The following MACROD2 variants were observed in gnomAD, a reference collection of about 807,000 sequenced individuals.
The protein encoded by MACROD2 is mono-ADP ribosylhydrolase 2, also known as ADP-ribose glycohydrolase MACROD2.
A neutral mutation model predicts 70.4 loss-of-function variants in MACROD2; 36 were observed. The observed-to-expected ratio is 0.51, with a 90% CI of 0.39 to 0.68. The LOEUF (loss-of-function observed/expected upper bound fraction) is 0.68, where lower values mean the gene tolerates loss of function less well. MACROD2 is among the 30% of genes least tolerant of loss of function. MACROD2 has a pLI of 0.00. For synonymous variants in MACROD2, 172 were observed against 178.8 expected, an observed-to-expected ratio of 0.96 and a Z score of 0.30; for missense variants, 496 against 538.4, an observed-to-expected ratio of 0.92 and a Z score of 0.78.
At chr20:14,168,518 A>G (rs1601304738) in intron 3 of MACROD2, among the ~76,000 whole-genome samples, 1 of 152,186 alleles carries the variant, frequency 6.6e-6, no homozygotes, top group African/African-American at 2.4e-5. Context: ...AGCACCTTGC[A>G]TTATTGTAGT....
At chr20:15,494,209 C>A (rs1008327194) in intron 7 of MACROD2, among the ~76,000 whole-genome samples, 1 of 152,160 alleles carries the variant, frequency 6.6e-6, no homozygotes, top group Non-Finnish European at 1.5e-5. Context: ...TAAAACACAT[C>A]ATTTTACACT....
intron 2 of MACROD2, among the ~76,000 whole-genome samples, chr20:14,074,231 T>C (rs1327042912): frequency 6.6e-6 from 1 of 152,202 alleles, no homozygotes; most frequent in Non-Finnish European, 1.5e-5. Context: ...TACTGACGTC[T>C]CTTTTCCTCT....
chr20:16,048,095 G>A (rs1410119793), intron 17 of MACROD2, among the ~76,000 whole-genome samples: 3 of 152,210 alleles, frequency 2.0e-5, no homozygotes, highest in Admixed American at 2.0e-4. Flanking sequence ...AGACCAGTGT[G>A]ATTCCTGGTG....
intron 6 of MACROD2, among the ~76,000 whole-genome samples, chr20:15,281,101 AACTC>A (rs1306080173): frequency 2.0e-5 from 3 of 152,328 alleles, no homozygotes; most frequent in Admixed American, 6.5e-5. Flanking sequence ...ATCTTGTGAG[AACTC>A]ACTCACTATC....
At chr20:16,037,683 A>G (rs1190541042) in intron 15 of MACROD2, among the ~76,000 whole-genome samples, 5 of 151,894 alleles carry the variant, frequency 3.3e-5, no homozygotes, top group Non-Finnish European at 1.5e-5. Flanking sequence ...AAAAAATTAA[A>G]TGACCAGCCA....
chr20:15,078,135 A>G (rs557125478), intron 5 of MACROD2, among the ~76,000 whole-genome samples: 1 of 152,308 alleles, frequency 6.6e-6, no homozygotes, highest in Non-Finnish European at 1.5e-5. Context: ...CTGGGGAGTC[A>G]TAAGAAAAGG....
At chr20:15,152,492 G>T (rs533686065) in intron 5 of MACROD2, among the ~76,000 whole-genome samples, 102 of 151,510 alleles carry the variant, frequency 6.7e-4, no homozygotes, top group African/African-American at 1.9e-3. Context: ...GAGATAAGAG[G>T]TTAGGGCATG....
At position 14,918,618 on chromosome 20, in the gene MACROD2, T is replaced by G. The variant is rs972414334; in HGVS notation, c.418+233659T>G. Among the ~76,000 whole-genome samples the G allele has an allele frequency of 1.1e-3, 122 of 114,266 alleles. 1 individual carries two copies. In the South Asian group the frequency reaches 0.011, roughly 10 times the overall value. The allele number at this position is 114,266 out of a possible 152,430, so 75.0% of individuals were successfully genotyped here. A position where few individuals can be genotyped will look rare whatever the true frequency, so the allele number is the denominator to read the frequency against. ...TTTTTGTGACACTGTGTTTTTTTTG[T>G]TTTTTTTTTTTTTTCTGGAGTTTAT... On this transcript the variant is annotated intron_variant, in intron 5 of 17. Coordinates refer to ENST00000684519, the MANE Select transcript of MACROD2 (RefSeq NM_001351661.2).
chr20:15,112,433 T>C (rs912671439), intron 5 of MACROD2, among the ~76,000 whole-genome samples: 1 of 152,138 alleles, frequency 6.6e-6, no homozygotes, highest in Non-Finnish European at 1.5e-5. Flanking sequence ...GAATTCTTAT[T>C]TGATTGCCTT....
chr20:14,493,712 C>T, intron 4 of MACROD2: 1 of 322,854 alleles, frequency 3.1e-6, no homozygotes, highest in Admixed American at 7.4e-5. Context: ...GAGATATATA[C>T]AGTACTCTTG....
At position 15,065,395 on chromosome 20, in the gene MACROD2, C is replaced by G. The variant is rs192926612; in HGVS notation, c.419-164545C>G. On this transcript the variant is annotated intron_variant, in intron 5 of 17. Transcript: ENST00000684519. ...AGTAGGCAGGGCGCGGTGGCTCACGCCTGTAATCCCAGCACTTTGGGAGGC... is the reference window on the plus strand; with the variant it reads ...AGTAGGCAGGGCGCGGTGGCTCACGGCTGTAATCCCAGCACTTTGGGAGGC... Among the ~76,000 whole-genome samples, 1,363 of 152,268 alleles carry G rather than the reference C, an allele frequency of 9.0e-3. 10 individuals carry two copies. The highest frequency in any genetic ancestry group is 0.013 in the Non-Finnish European group (865 of 68,010).
intron 3 of MACROD2, among the ~76,000 whole-genome samples, chr20:14,393,359 C>T (rs1038456596): frequency 2.6e-5 from 4 of 152,122 alleles, no homozygotes; most frequent in African/African-American, 7.2e-5. Flanking sequence ...TATGATCTAA[C>T]TCCATTTCAT....
intron 17 of MACROD2, among the ~76,000 whole-genome samples, chr20:16,046,836 A>T (rs984278494): frequency 6.6e-6 from 1 of 151,804 alleles, no homozygotes; most frequent in Admixed American, 6.6e-5. Flanking sequence ...GCGTACCACC[A>T]CAACTGGCTA....
At chr20:15,103,811 A>G (rs879637094) in intron 5 of MACROD2, among the ~76,000 whole-genome samples, 4 of 151,904 alleles carry the variant, frequency 2.6e-5, no homozygotes, top group Admixed American at 2.0e-4. Flanking sequence ...CCAGAATTGC[A>G]TGAAGAAAGC....
At chr20:14,399,206 A>G (rs1229152925) in intron 3 of MACROD2, among the ~76,000 whole-genome samples, 15 of 152,076 alleles carry the variant, frequency 9.9e-5, no homozygotes, top group Non-Finnish European at 1.5e-5. Context: ...TGTATGATAG[A>G]GACAGGGTTT....
Position 14,979,062 on chromosome 20 carries a change from C to T in MACROD2, c.419-250878C>T, listed in dbSNP as rs112344339. Among the ~76,000 whole-genome samples the T allele has an allele frequency of 5.4e-3, 807 of 150,450 alleles. 5 individuals carry two copies. Among genetic ancestry groups the T allele is most frequent in the African/African-American group, 0.019 (763 of 41,014 alleles). On this transcript the variant is annotated intron_variant, in intron 5 of 17. Transcript: ENST00000684519. ...GGACTCCTGGGCTCAAGTGATCCTTCGGCATCAGCCTCCTGAGTAGCTAGG... is the reference window on the plus strand; with the variant it reads ...GGACTCCTGGGCTCAAGTGATCCTTTGGCATCAGCCTCCTGAGTAGCTAGG...
chr20:14,337,377 A>AG, intron 3 of MACROD2: 1 of 345,198 alleles, frequency 2.9e-6, no homozygotes, highest in Non-Finnish European at 5.2e-6. Context: ...TGGGACAATC[A>AG]TAAGAAAAAA....
At chr20:15,551,202 G>C (rs1378996166) in intron 8 of MACROD2, among the ~76,000 whole-genome samples, 1 of 151,886 alleles carries the variant, frequency 6.6e-6, no homozygotes, top group Non-Finnish European at 1.5e-5. Flanking sequence ...CCTTTGCTTA[G>C]GGCTACTGGG....
At chr20:14,665,299 AG>A (rs1223141036) in intron 4 of MACROD2, among the ~76,000 whole-genome samples, 1 of 151,978 alleles carries the variant, frequency 6.6e-6, no homozygotes, top group East Asian at 1.9e-4. Context: ...GTCAAGAGTT[AG>A]GGGGGTATTG....
Sources: allele counts gnomAD v4.1 joint callset (sites outside exome capture counted in the v4.1 genomes callset), GRCh38; gene constraint gnomAD v4.1.1; transcripts MANE v1.5; gene names NCBI Gene and HGNC (gene_info 2026-07-23, HGNC 2026-07-21).